Variants in GSAP observed in about 807,000 individuals in gnomAD.
The protein encoded by GSAP is gamma-secretase-activating protein.
A neutral mutation model predicts 131.7 loss-of-function variants in GSAP; 118 were observed. The ratio of observed to expected loss-of-function variants is 0.90; its 90% CI spans 0.77 to 1.04. The LOEUF is 1.04. Ranked by LOEUF, GSAP falls within the 50% of genes least tolerant of loss-of-function variation. The pLI is 0.00. For missense variants in GSAP, 1,019 were observed against 1,013.2 expected, an observed-to-expected ratio of 1.01 and a Z score of -0.08; for synonymous variants, 381 against 363.4, an observed-to-expected ratio of 1.05 and a Z score of -0.55.
At chr7:77,349,955 A>G (rs764764225) in intron 18 of GSAP, among the ~76,000 whole-genome samples, 21 of 152,126 alleles carry the variant, frequency 1.4e-4, no homozygotes, top group Non-Finnish European at 2.5e-4. Context: ...ATGCTGCTAT[A>G]AAGACACATG....
rs1794305287 is a variant in GSAP, at chr7:77,311,181, G to T, written c.*177C>A. ...GATTGCTCACTGGCTATTCAAAATT[G>T]GAATGTGATACAGCAGTTCTGTCTG... On this transcript the variant is annotated 3_prime_UTR_variant, in exon 31 of 31. Coordinates refer to ENST00000257626, the MANE Select transcript of GSAP (RefSeq NM_017439.4). The T allele has an allele frequency of 1.8e-6, 1 of 549,434 alleles. No homozygotes were observed. Among genetic ancestry groups the T allele is most frequent in the Non-Finnish European group, 3.3e-6 (1 of 307,230 alleles). The allele number at this position is 549,434 out of a possible 1,614,324, so 34.0% of individuals were successfully genotyped here.
intron 23 of GSAP, among the ~76,000 whole-genome samples, chr7:77,325,497 T>A (rs1788203431): frequency 6.6e-6 from 1 of 152,252 alleles, no homozygotes; most frequent in African/African-American, 2.4e-5. Context: ...TTTATTTTGA[T>A]TCATATTTTT....
intron 24 of GSAP, 146 bp from the exon 25 acceptor site, chr7:77,321,549 A>G (rs1340987004): frequency 1.3e-5 from 8 of 626,198 alleles, no homozygotes; most frequent in Admixed American, 5.6e-5. Flanking sequence ...TCTGAGGTCA[A>G]TTCTGAAGCA....
At chr7:77,346,831 T>C (rs1026398170) in intron 19 of GSAP, among the ~76,000 whole-genome samples, 6 of 151,966 alleles carry the variant, frequency 3.9e-5, no homozygotes, top group Admixed American at 2.6e-4. Flanking sequence ...TGTTATAATA[T>C]CGGGTATTTT....
At chr7:77,320,656 C>G in intron 26 of GSAP, 69 bp downstream of exon 26, 4 of 902,566 alleles carry the variant, frequency 4.4e-6, no homozygotes, top group Non-Finnish European at 7.3e-6. Flanking sequence ...TATAATGTAC[C>G]AAAGGCAAGG....
At chr7:77,406,163 C>T (rs74915244) in intron 1 of GSAP, 58 bp from the exon 2 acceptor site, 10 of 1,014,404 alleles carry the variant, frequency 9.9e-6, no homozygotes, top group African/African-American at 8.6e-5. Flanking sequence ...CATATCTAAC[C>T]AATATATTAG....
intron 3 of GSAP, 39 bp from the exon 4 acceptor site, chr7:77,397,454 A>C (rs1474407598): frequency 5.7e-6 from 6 of 1,059,000 alleles, no homozygotes; most frequent in Non-Finnish European, 8.7e-6. Flanking sequence ...GAAGTTTCAT[A>C]CATTAAATAA....
intron 10 of GSAP, among the ~76,000 whole-genome samples, chr7:77,376,617 T>C (rs1796903146): frequency 6.6e-6 from 1 of 151,360 alleles, no homozygotes; most frequent in Non-Finnish European, 1.5e-5. Context: ...CTACAAAAAA[T>C]ACAAAAAAAA....
In GSAP at chr7:77,328,410, G is replaced by A. The variant is rs571446895; in HGVS notation, c.1765+196C>T. On this transcript the variant is annotated intron_variant, in intron 22 of 30. Coordinates refer to ENST00000257626, the MANE Select transcript of GSAP (RefSeq NM_017439.4). Reference sequence around the variant, plus strand: ...CATCGCAAAAGCACATTCAGCAGCTGTCCCCGGAGGTCCTGGTGCCTAGAC... The same window carrying A: ...CATCGCAAAAGCACATTCAGCAGCTATCCCCGGAGGTCCTGGTGCCTAGAC... 1.2e-4 allele frequency: 156 copies of A among 1,293,726 alleles called. No homozygotes were observed. The African/African-American group carries it at 2.3e-3, about 19-fold the overall frequency. The allele number at this position is 1,293,726 out of a possible 1,614,324, so 80.1% of individuals were successfully genotyped here.
At chr7:77,397,142 C>A (rs529790997) in intron 4 of GSAP, 107 bp from the exon 5 acceptor site, 3 of 769,070 alleles carry the variant, frequency 3.9e-6, no homozygotes, top group Middle Eastern at 2.3e-4. Flanking sequence ...GATATGTCAA[C>A]GGAAGATAAG....
At chr7:77,409,377 T>C (rs1802870974) in intron 1 of GSAP, among the ~76,000 whole-genome samples, 1 of 152,196 alleles carries the variant, frequency 6.6e-6, no homozygotes, top group East Asian at 1.9e-4. Context: ...TTCTCATTTC[T>C]ATCTCATCTG....
chr7:77,315,241 A>G (rs1396759722), intron 26 of GSAP: 1 of 152,222 alleles, frequency 6.6e-6, no homozygotes, highest in East Asian at 1.9e-4. Context: ...ATGAGTGCGG[A>G]CAGTAGAAAA....
At chr7:77,387,933 A>G (rs1023847898) in intron 5 of GSAP, among the ~76,000 whole-genome samples, 2 of 152,252 alleles carry the variant, frequency 1.3e-5, no homozygotes, top group African/African-American at 4.8e-5. Context: ...TCTCACCAGC[A>G]ACATATAAGA....
rs746174759 is a variant in GSAP, at chr7:77,405,986, T to G, written c.186+43A>C. 1.1e-5 allele frequency: 8 copies of G among 718,798 alleles called. No individual in the cohort carries two copies. The African/African-American group carries it at 1.6e-4, about 14-fold the overall frequency. 44.5% of individuals were successfully genotyped at this position (718,798 alleles called of 1,614,324 possible). The stretch of plus-strand genomic sequence containing the variant: ...AGAGAATATAAATGATTAAAAACAG[T>G]AAATTTTACATCTTACCACAATAAA... On this transcript the variant is annotated intron_variant, in intron 2 of 30. Coordinates refer to ENST00000257626, the MANE Select transcript of GSAP (RefSeq NM_017439.4).
At chr7:77,371,443 T>C (rs1268623356) in intron 12 of GSAP, among the ~76,000 whole-genome samples, 1 of 151,406 alleles carries the variant, frequency 6.6e-6, no homozygotes, top group Non-Finnish European at 1.5e-5. Context: ...TTTTTTTTTT[T>C]TTTTTTTTTA....
chr7:77,394,475 C>T (rs1460362557), intron 5 of GSAP, among the ~76,000 whole-genome samples: 1 of 152,114 alleles, frequency 6.6e-6, no homozygotes, highest in East Asian at 1.9e-4. Context: ...GTATCATTCC[C>T]CAGATAAATT....
chr7:77,379,434 T>C (rs1177562309), intron 8 of GSAP, among the ~76,000 whole-genome samples: 5 of 151,872 alleles, frequency 3.3e-5, no homozygotes, highest in African/African-American at 1.2e-4. Context: ...TCTAAGCCTT[T>C]AAGAATGAAG....
At chr7:77,408,909 C>T (rs1411604000) in intron 1 of GSAP, among the ~76,000 whole-genome samples, 1 of 151,884 alleles carries the variant, frequency 6.6e-6, no homozygotes, top group African/African-American at 2.4e-5. Context: ...GAGCTGGACA[C>T]CTGCACTGGA....
chr7:77,346,407 C>T (rs956072368), intron 19 of GSAP, among the ~76,000 whole-genome samples: 3 of 151,316 alleles, frequency 2.0e-5, no homozygotes, highest in Non-Finnish European at 4.4e-5. Context: ...TGAGTTAAGG[C>T]ACTGCAACCC....
Sources: allele counts gnomAD v4.1 joint callset (sites outside exome capture counted in the v4.1 genomes callset), GRCh38; gene constraint gnomAD v4.1.1; transcripts MANE v1.5; gene names NCBI Gene and HGNC (gene_info 2026-07-23, HGNC 2026-07-21).